ZNF510: variants seen among roughly 807,000 people sequenced by gnomAD.
ZNF510 encodes zinc finger protein 510.
ZNF510 carries 15 observed loss-of-function variants against 18.1 expected under a neutral mutation model. The ratio of observed to expected loss-of-function variants is 0.83; its 90% CI spans 0.55 to 1.28. The LOEUF (loss-of-function observed/expected upper bound fraction) is 1.28. ZNF510 is among the 50% of genes most tolerant of loss of function. The pLI is 0.00. For missense variants in ZNF510, 724 were observed against 791.8 expected, an observed-to-expected ratio of 0.91 and a Z score of 1.03; for synonymous variants, 261 against 266.4, an observed-to-expected ratio of 0.98 and a Z score of 0.20.
Position 96,758,720 on chromosome 9 carries a change from G to A in ZNF510, c.*58C>T. The A allele has an allele frequency of 6.7e-7, 1 of 1,496,744 alleles. No individual in the cohort carries two copies. Among genetic ancestry groups the A allele is most frequent in the Non-Finnish European group, 8.9e-7 (1 of 1,121,360 alleles). 92.7% of individuals were successfully genotyped at this position (1,496,744 alleles called of 1,614,324 possible). On this transcript the variant is annotated 3_prime_UTR_variant, in exon 6 of 6. Coordinates refer to ENST00000223428, the MANE Select transcript of ZNF510 (RefSeq NM_014930.3). ...TCACTACCCTCAATTGGTTTTTTGT[G>A]TATCTCTGATATCAAATGGGGTATT...
intron 3 of ZNF510, 38 bp downstream of exon 3, chr9:96,774,750 G>A (rs1202780195): frequency 1.3e-6 from 2 of 1,563,886 alleles, no homozygotes; most frequent in Admixed American, 3.3e-5. Flanking sequence ...AAACACCTAT[G>A]AAATCCATGA....
rs886243867 is a variant in ZNF510 at position 96,774,839 on chromosome 9, A to G, written c.78T>C (p.Pro26=). The change falls in exon 3 of 6, where the codon CCT becomes CCC. Residue 26 remains proline, a synonymous_variant. Transcript: ENST00000223428. ...TVGQLAEGGY[P]LRFSTLFQEQ... ...CCTGAAAGAGTGTGGAGAACCGTAA[A>G]GGATAACCTGGGGGTGAGGAAGGAG... is the stretch of plus-strand genomic sequence containing the variant. The G allele has an allele frequency of 6.2e-7, 1 of 1,614,070 alleles. No homozygotes were observed. The highest frequency in any genetic ancestry group is 1.3e-5 in the African/African-American group (1 of 75,018).
intron 3 of ZNF510, among the ~76,000 whole-genome samples, chr9:96,772,595 AATG>A (rs1222542099): frequency 2.0e-5 from 3 of 152,224 alleles, no homozygotes; most frequent in African/African-American, 7.2e-5. Flanking sequence ...CATAAAAAGA[AATG>A]ATGTCTAAAT....
intron 5 of ZNF510, among the ~76,000 whole-genome samples, chr9:96,761,934 C>T (rs1408233891): frequency 6.6e-6 from 1 of 151,958 alleles, no homozygotes; most frequent in Non-Finnish European, 1.5e-5. Flanking sequence ...ATCTTTTTGT[C>T]AGTCATACAG....
intron 3 of ZNF510, among the ~76,000 whole-genome samples, chr9:96,770,175 T>C (rs774621853): frequency 6.6e-6 from 1 of 152,196 alleles, no homozygotes; most frequent in Non-Finnish European, 1.5e-5. Flanking sequence ...TGCTCATCAG[T>C]TGAATGAATA....
rs577647621 is a variant in ZNF510 at position 96,757,298 on chromosome 9, A to G, written c.*1480T>C. On this transcript the variant is annotated 3_prime_UTR_variant, in exon 6 of 6. Transcript: ENST00000223428. ...GGTGTGGGGGCAGTACCTCTGTGCA[A>G]TTAAGGCACACTTACGTTGAACTGC... is the stretch of plus-strand genomic sequence containing the variant. 2 of 152,196 alleles carry G rather than the reference A, an allele frequency of 1.3e-5. No homozygotes were observed. The highest frequency in any genetic ancestry group is 3.4e-3 in the Middle Eastern group (1 of 294). The allele number at this position is 152,196 out of a possible 1,614,324, so 9.4% of individuals were successfully genotyped here.
chr9:96,765,292 T>C (rs1289040071), intron 3 of ZNF510, among the ~76,000 whole-genome samples: 3 of 152,148 alleles, frequency 2.0e-5, no homozygotes, highest in Non-Finnish European at 4.4e-5. Flanking sequence ...CTAAAATTAT[T>C]TGCAACCTCA....
intron 3 of ZNF510, among the ~76,000 whole-genome samples, chr9:96,763,959 T>C (rs536177440): frequency 6.6e-6 from 1 of 152,112 alleles, no homozygotes; most frequent in East Asian, 1.9e-4. Context: ...TAGCCAGGTA[T>C]GGTGGTATGT....
rs529077111 is a variant in ZNF510, at chr9:96,756,373, T to G, written c.*2405A>C. 6.6e-6 allele frequency: 1 copy of G among 152,288 alleles called. No individual in the cohort carries two copies. The highest frequency in any genetic ancestry group is 2.1e-4 in the South Asian group (1 of 4,808). 9.4% of individuals were successfully genotyped at this position (152,288 alleles called of 1,614,324 possible). On this transcript the variant is annotated 3_prime_UTR_variant, in exon 6 of 6. Transcript: ENST00000223428. Reference sequence around the variant, plus strand: ...TAGTTTCAGTTGGCGAAAGCATCAGTGAGCCAGGCCCAATTACAGTAACCT... The same window carrying G: ...TAGTTTCAGTTGGCGAAAGCATCAGGGAGCCAGGCCCAATTACAGTAACCT...
intron 3 of ZNF510, among the ~76,000 whole-genome samples, chr9:96,770,132 G>C (rs1369092200): frequency 6.6e-6 from 1 of 152,182 alleles, no homozygotes; most frequent in Non-Finnish European, 1.5e-5. Flanking sequence ...AGCAGCACTA[G>C]TCATAACAGT....
chr9:96,772,958 C>A (rs527703545), intron 3 of ZNF510, among the ~76,000 whole-genome samples: 1 of 151,836 alleles, frequency 6.6e-6, no homozygotes, highest in Non-Finnish European at 1.5e-5. Context: ...ACAGGAAAAA[C>A]AAATGAAAAA....
Position 96,754,759 on chromosome 9 carries a change from T to G in ZNF510, c.*4019A>C, listed in dbSNP as rs1849158158. 6.6e-6 allele frequency among the ~76,000 whole-genome samples: 1 copy of G among 152,228 alleles called. No homozygotes were observed. Among genetic ancestry groups the G allele is most frequent in the African/African-American group, 2.4e-5 (1 of 41,466 alleles). ...ACATCAAAAGGAAAAATGCTCAGAT[T>G]TCAGTTTGATAACTGTACCTTCAGC... On this transcript the variant is annotated 3_prime_UTR_variant, in exon 6 of 6. Coordinates refer to ENST00000223428, the MANE Select transcript of ZNF510 (RefSeq NM_014930.3).
At chr9:96,765,509 T>C (rs544945393) in intron 3 of ZNF510, among the ~76,000 whole-genome samples, 1 of 151,968 alleles carries the variant, frequency 6.6e-6, no homozygotes, top group East Asian at 1.9e-4. Flanking sequence ...TCTTGATGAT[T>C]TCACTTTTTC....
rs1261108922 is a variant in ZNF510, at chr9:96,757,119, G to A, written c.*1659C>T. The A allele has an allele frequency of 6.6e-6, 1 of 152,106 alleles. No individual in the cohort carries two copies. Among genetic ancestry groups the A allele is most frequent in the South Asian group, 2.1e-4 (1 of 4,834 alleles). The allele number at this position is 152,106 out of a possible 1,614,324, so 9.4% of individuals were successfully genotyped here. On this transcript the variant is annotated 3_prime_UTR_variant, in exon 6 of 6. Coordinates refer to ENST00000223428, the MANE Select transcript of ZNF510 (RefSeq NM_014930.3). Reference sequence around the variant, plus strand: ...GTACCCCCACAGGAACTAGTAAGATGTTGCCTTGGGCATGGATTCAATAAA... The same window carrying A: ...GTACCCCCACAGGAACTAGTAAGATATTGCCTTGGGCATGGATTCAATAAA...
At position 96,758,122 on chromosome 9, in the gene ZNF510, G is replaced by C. The variant is rs1204754353; in HGVS notation, c.*656C>G. 6.6e-6 allele frequency: 1 copy of C among 152,208 alleles called. No individual in the cohort carries two copies. Among genetic ancestry groups the C allele is most frequent in the Admixed American group, 6.5e-5 (1 of 15,280 alleles). The allele number at this position is 152,208 out of a possible 1,614,324, so 9.4% of individuals were successfully genotyped here. The stretch of plus-strand genomic sequence containing the variant: ...TTGCGTAAAGTGAAAATACAGATAA[G>C]GGGGGACTACTGTATAAGCTTAAAT... On this transcript the variant is annotated 3_prime_UTR_variant, in exon 6 of 6. Transcript: ENST00000223428.
rs1397213403 is a variant in ZNF510 at position 96,756,711 on chromosome 9, A to T, written c.*2067T>A. On this transcript the variant is annotated 3_prime_UTR_variant, in exon 6 of 6. Transcript: ENST00000223428. ...AAGAGTAAACTAACAGCTGCTTTTCAGAAGGGGTGGACCTGGTACCCTTGT... is the reference window on the plus strand; with the variant it reads ...AAGAGTAAACTAACAGCTGCTTTTCTGAAGGGGTGGACCTGGTACCCTTGT... The T allele has an allele frequency of 3.3e-5, 5 of 152,230 alleles. No homozygotes were observed. The highest frequency in any genetic ancestry group is 7.3e-5 in the Non-Finnish European group (5 of 68,044). 9.4% of individuals were successfully genotyped at this position (152,230 alleles called of 1,614,324 possible).
At chr9:96,771,098 G>C (rs534008642) in intron 3 of ZNF510, among the ~76,000 whole-genome samples, 1 of 152,194 alleles carries the variant, frequency 6.6e-6, no homozygotes, top group East Asian at 1.9e-4. Flanking sequence ...CTCATTCAGA[G>C]AACACAAAAT....
At chr9:96,768,463 GGAA>G (rs1178618069) in intron 3 of ZNF510, among the ~76,000 whole-genome samples, 4 of 151,896 alleles carry the variant, frequency 2.6e-5, no homozygotes, top group Non-Finnish European at 4.4e-5. Flanking sequence ...AAAAGACTAA[GGAA>G]GCCACAAAAA....
intron 4 of ZNF510, 51 bp from the exon 5 acceptor site, chr9:96,763,264 TC>T (rs1178407086): frequency 3.2e-6 from 5 of 1,575,424 alleles, no homozygotes; most frequent in Non-Finnish European, 4.4e-6. Context: ...GAGATTTTAG[TC>T]TCCAAAAGTG....
Sources: allele counts gnomAD v4.1 joint callset (sites outside exome capture counted in the v4.1 genomes callset), GRCh38; gene constraint gnomAD v4.1.1; transcripts MANE v1.5; gene names NCBI Gene and HGNC (gene_info 2026-07-23, HGNC 2026-07-21).